Variants in GABRB3 observed in about 807,000 individuals in gnomAD.
GABRB3 encodes the protein gamma-aminobutyric acid type A receptor subunit beta3, also known as gamma-aminobutyric acid receptor subunit beta-3.
Under a neutral mutation model 52.1 loss-of-function variants are expected in GABRB3, and 14 were observed. That is an observed-to-expected ratio of 0.27 (90% CI 0.18 to 0.42). GABRB3 has a LOEUF of 0.42. GABRB3 is among the 10% of genes least tolerant of loss of function. The pLI is 1.00. For synonymous variants in GABRB3, 260 were observed against 232.3 expected (o/e 1.12, Z -1.08); for missense variants, 307 against 609.1 (o/e 0.50, Z 5.22).
intron 3 of GABRB3, chr15:26,624,806 C>T (rs1410130602): frequency 4.8e-5 from 47 of 985,324 alleles, no homozygotes; most frequent in Non-Finnish European, 5.4e-5. Flanking sequence ...AAGGTCCAAG[C>T]CTCCCTCCAC....
At chr15:26,740,184 G>T (rs1460563013) in intron 3 of GABRB3, among the ~76,000 whole-genome samples, 1 of 152,074 alleles carries the variant, frequency 6.6e-6, no homozygotes, top group Non-Finnish European at 1.5e-5. Flanking sequence ...TAGGCTTGGC[G>T]AGCAGGTAGG....
intron 3 of GABRB3, among the ~76,000 whole-genome samples, chr15:26,762,934 A>G (rs1392762203): frequency 6.6e-6 from 1 of 152,240 alleles, no homozygotes; most frequent in African/African-American, 2.4e-5. Flanking sequence ...AAACTCATTC[A>G]ATGGCACAGT....
intron 8 of GABRB3, among the ~76,000 whole-genome samples, chr15:26,550,650 C>T (rs1014635234): frequency 2.0e-5 from 3 of 152,168 alleles, no homozygotes; most frequent in Admixed American, 6.5e-5. Flanking sequence ...TCTCAGTTTA[C>T]GACAGGGAGC....
chr15:26,689,030 C>T (rs907562130), intron 3 of GABRB3, among the ~76,000 whole-genome samples: 2 of 152,216 alleles, frequency 1.3e-5, no homozygotes, highest in African/African-American at 2.4e-5. Flanking sequence ...TTTGTCCTCG[C>T]CACATTCCTG....
chr15:26,737,500 GA>G (rs1890094943), intron 3 of GABRB3, among the ~76,000 whole-genome samples: 1 of 152,104 alleles, frequency 6.6e-6, no homozygotes, highest in South Asian at 2.1e-4. Flanking sequence ...ACAGGGGCGG[GA>G]AAAACAGAGG....
At chr15:26,585,380 T>C (rs1890942090) in intron 4 of GABRB3, among the ~76,000 whole-genome samples, 2 of 152,178 alleles carry the variant, frequency 1.3e-5, no homozygotes, top group Non-Finnish European at 2.9e-5. Flanking sequence ...CTACTAATGC[T>C]GCAGGTAATG....
intron 7 of GABRB3, among the ~76,000 whole-genome samples, chr15:26,561,817 C>T (rs897374792): frequency 3.3e-5 from 5 of 152,188 alleles, no homozygotes; most frequent in Non-Finnish European, 7.3e-5. Context: ...TCTCAGAGAG[C>T]GACTTCCCTC....
At chr15:26,651,376 A>G (rs921210294) in intron 3 of GABRB3, among the ~76,000 whole-genome samples, 1 of 152,234 alleles carries the variant, frequency 6.6e-6, no homozygotes, top group Non-Finnish European at 1.5e-5. Context: ...TACTGCATCA[A>G]TTTAACTTCA....
chr15:26,676,536 T>G (rs1014524486), intron 3 of GABRB3, among the ~76,000 whole-genome samples: 2 of 152,200 alleles, frequency 1.3e-5, no homozygotes, highest in African/African-American at 4.8e-5. Flanking sequence ...AGAACTGCCA[T>G]TTCTTTATAA....
chr15:26,749,922 T>G (rs1723867957), intron 3 of GABRB3: 1 of 152,196 alleles, frequency 6.6e-6, no homozygotes, highest in South Asian at 2.1e-4. Flanking sequence ...GCCTTTCTCT[T>G]TCAACCTTCA....
intron 3 of GABRB3, among the ~76,000 whole-genome samples, chr15:26,693,122 T>C (rs1409257313): frequency 2.0e-5 from 3 of 152,188 alleles, no homozygotes; most frequent in Non-Finnish European, 2.9e-5. Flanking sequence ...AATAAACCCA[T>C]ACCAATAATC....
intron 8 of GABRB3, among the ~76,000 whole-genome samples, chr15:26,556,132 T>G (rs1889742533): frequency 6.6e-6 from 1 of 152,218 alleles, no homozygotes; most frequent in Non-Finnish European, 1.5e-5. Flanking sequence ...ACTCTTTATT[T>G]TGAAGGGTTC....
chr15:26,546,548 C>G lies in GABRB3; in HGVS notation c.*1245G>C, dbSNP rs571538087. ...GGTCATGTTCCTGCAGAATCCTAGT[C>G]AGTCTAGGAGTAGTTGGATGTGCTT... On this transcript the variant is annotated 3_prime_UTR_variant, in exon 9 of 9. Coordinates refer to ENST00000311550, the MANE Select transcript of GABRB3 (RefSeq NM_000814.6). The G allele has an allele frequency of 6.6e-6, 1 of 152,370 alleles. No homozygotes were observed. Among genetic ancestry groups the G allele is most frequent in the African/African-American group, 2.4e-5 (1 of 41,344 alleles). 9.4% of individuals were successfully genotyped at this position (152,370 alleles called of 1,614,324 possible).
chr15:26,554,663 C>G (rs756227024), intron 8 of GABRB3, among the ~76,000 whole-genome samples: 1 of 152,136 alleles, frequency 6.6e-6, no homozygotes, highest in South Asian at 2.1e-4. Flanking sequence ...TACAAGAGCA[C>G]GTGTACCACG....
At chr15:26,676,086 G>T (rs887494671) in intron 3 of GABRB3, among the ~76,000 whole-genome samples, 1 of 152,172 alleles carries the variant, frequency 6.6e-6, no homozygotes, top group Admixed American at 6.5e-5. Flanking sequence ...ATTAATTACA[G>T]TGCTTAAGGA....
intron 3 of GABRB3, among the ~76,000 whole-genome samples, chr15:26,728,086 C>T (rs1011454374): frequency 2.0e-5 from 3 of 152,132 alleles, no homozygotes; most frequent in African/African-American, 7.2e-5. Context: ...CCCAGACCAT[C>T]CAGATACACT....
At position 26,645,970 on chromosome 15, in the gene GABRB3, CA is replaced by C. The variant is rs938669729; in HGVS notation, c.241-24437del. Reference sequence around the variant, plus strand: ...CCAATTTTAATAAATTTTTGCAATCCAAAAAAAAAACAATATATGAAAAATC... The same window carrying C: ...CCAATTTTAATAAATTTTTGCAATCCAAAAAAAAACAATATATGAAAAATC... On this transcript the variant is annotated intron_variant, in intron 3 of 8. Transcript: ENST00000311550. Among the ~76,000 whole-genome samples, 1,249 of 143,554 alleles carry C rather than the reference CA, an allele frequency of 8.7e-3. 6 individuals carry two copies. Among genetic ancestry groups the C allele is most frequent in the Middle Eastern group, 0.018 (5 of 284 alleles). 94.2% of individuals were successfully genotyped at this position (143,554 alleles called of 152,430 possible). A position where few individuals can be genotyped will look rare whatever the true frequency, so the allele number is the denominator to read the frequency against.
upstream of GABRB3, chr15:26,773,107 G>A (rs1891204907): frequency 1.2e-6 from 1 of 800,466 alleles, no homozygotes; most frequent in Non-Finnish European, 1.5e-6. Flanking sequence ...GGGAGGAGGG[G>A]GAGGAGCGGG....
chr15:26,757,190 AC>A (rs1890686660), intron 3 of GABRB3, among the ~76,000 whole-genome samples: 1 of 152,116 alleles, frequency 6.6e-6, no homozygotes, highest in South Asian at 2.1e-4. Flanking sequence ...TTCGTATCCC[AC>A]CGTGGTTCCC....
Sources: allele counts gnomAD v4.1 joint callset (sites outside exome capture counted in the v4.1 genomes callset), GRCh38; gene constraint gnomAD v4.1.1; transcripts MANE v1.5; gene names NCBI Gene and HGNC (gene_info 2026-07-23, HGNC 2026-07-21).